The following NUMB variants were observed in gnomAD, a reference collection of about 807,000 sequenced individuals.
NUMB encodes the protein NUMB endocytic adaptor protein.
In NUMB, 29 loss-of-function variants were observed where a neutral mutation model predicts 59.7. The observed-to-expected ratio is 0.49, with a 90% CI of 0.36 to 0.66. The LOEUF (loss-of-function observed/expected upper bound fraction) is 0.66. Ranked by LOEUF, NUMB falls within the 30% of genes least tolerant of loss-of-function variation. NUMB has a pLI of 0.00. For synonymous variants in NUMB, 288 were observed against 288.2 expected (o/e 1.00, Z 0.01); for missense variants, 723 against 822.0 (o/e 0.88, Z 1.47).
intron 2 of NUMB, among the ~76,000 whole-genome samples, chr14:73,396,155 T>G (rs1409842919): frequency 2.6e-5 from 4 of 152,172 alleles, no homozygotes; most frequent in Non-Finnish European, 5.9e-5. Flanking sequence ...CGACCATAGC[T>G]CACTGTAACC....
At chr14:73,355,804 T>C in intron 3 of NUMB, 38 bp from the exon 4 acceptor site, 33 of 1,495,526 alleles carry the variant, frequency 2.2e-5, no homozygotes, top group Non-Finnish European at 2.8e-5. Context: ...AAAGAAATAT[T>C]ACCTTCTTAC....
At chr14:73,358,011 A>C (rs930166413) in intron 3 of NUMB, among the ~76,000 whole-genome samples, 1 of 151,832 alleles carries the variant, frequency 6.6e-6, no homozygotes, top group Non-Finnish European at 1.5e-5. Flanking sequence ...CAAGCCAGAC[A>C]CCTGAAAATC....
chr14:73,398,415 A>AGAGAGAGT (rs1438462148), intron 2 of NUMB, among the ~76,000 whole-genome samples: 31 of 118,878 alleles, frequency 2.6e-4, no homozygotes, highest in African/African-American at 8.0e-4. Flanking sequence ...AGAGAGAGAG[A>AGAGAGAGT]GTGTGTGTGT....
At chr14:73,438,806 C>T (rs1882814427) in intron 1 of NUMB, among the ~76,000 whole-genome samples, 1 of 151,758 alleles carries the variant, frequency 6.6e-6, no homozygotes, top group Admixed American at 6.6e-5. Context: ...GAATTAGGGG[C>T]CAACATCATA....
At chr14:73,344,227 C>T (rs1240678155) in intron 4 of NUMB, among the ~76,000 whole-genome samples, 1 of 152,020 alleles carries the variant, frequency 6.6e-6, no homozygotes, top group Non-Finnish European at 1.5e-5. Context: ...TATTCAGCTA[C>T]TTCTAATTTG....
rs1888111081 is a variant in NUMB, at chr14:73,275,776, T to TA, written c.*801dup. The TA allele has an allele frequency of 2.0e-5, 3 of 152,634 alleles. No homozygotes were observed. The highest frequency in any genetic ancestry group is 2.0e-4 in the Admixed American group (3 of 15,282). The allele number at this position is 152,634 out of a possible 1,614,324, so 9.5% of individuals were successfully genotyped here. A position where few individuals can be genotyped will look rare whatever the true frequency, so the allele number is the denominator to read the frequency against. Reference sequence around the variant, plus strand: ...ATGATTGTTGTTGCAATGTGCTACTTACAATGAATGACTGACAGAAAACAA... The same window carrying TA: ...ATGATTGTTGTTGCAATGTGCTACTTAACAATGAATGACTGACAGAAAACAA... On this transcript the variant is annotated 3_prime_UTR_variant, in exon 13 of 13. Transcript: ENST00000555238.
At chr14:73,392,786 C>A (rs1895915528) in intron 2 of NUMB, among the ~76,000 whole-genome samples, 1 of 151,924 alleles carries the variant, frequency 6.6e-6, no homozygotes, top group Non-Finnish European at 1.5e-5. Context: ...GAAAGAAAAC[C>A]AGATTTAGGA....
At chr14:73,326,813 A>G (rs1263095551) in intron 4 of NUMB, among the ~76,000 whole-genome samples, 1 of 152,168 alleles carries the variant, frequency 6.6e-6, no homozygotes, top group African/African-American at 2.4e-5. Context: ...GATGCTTTAT[A>G]TATTTTGTCT....
At chr14:73,405,657 G>C (rs539572085) in intron 2 of NUMB, among the ~76,000 whole-genome samples, 2 of 151,938 alleles carry the variant, frequency 1.3e-5, no homozygotes, top group Admixed American at 1.3e-4. Flanking sequence ...CCATGGTGGG[G>C]GCAGCAGCAA....
At chr14:73,424,768 T>C (rs1165699301) in intron 1 of NUMB, among the ~76,000 whole-genome samples, 1 of 152,146 alleles carries the variant, frequency 6.6e-6, no homozygotes, top group African/African-American at 2.4e-5. Context: ...AACACTCATC[T>C]CTCCACTAAT....
At chr14:73,312,990 CTTT>C (rs563622527) in intron 6 of NUMB, among the ~76,000 whole-genome samples, 3 of 141,950 alleles carry the variant, frequency 2.1e-5, no homozygotes, top group Non-Finnish European at 3.1e-5. Flanking sequence ...AGTGGTATGT[CTTT>C]TTTTTTTTTT....
At chr14:73,352,053 T>C (rs1893321386) in intron 4 of NUMB, among the ~76,000 whole-genome samples, 3 of 152,054 alleles carry the variant, frequency 2.0e-5, no homozygotes, top group African/African-American at 7.2e-5. Context: ...ATATGTACTC[T>C]ACCTTAATAA....
At chr14:73,414,485 C>T (rs1038691438) in intron 1 of NUMB, among the ~76,000 whole-genome samples, 8 of 152,154 alleles carry the variant, frequency 5.3e-5, no homozygotes, top group Non-Finnish European at 7.3e-5. Flanking sequence ...CCTCCGCTTC[C>T]TGGCTCAAGC....
intron 3 of NUMB, among the ~76,000 whole-genome samples, chr14:73,362,583 C>T (rs1164910382): frequency 6.6e-6 from 1 of 152,052 alleles, no homozygotes; most frequent in Non-Finnish European, 1.5e-5. Flanking sequence ...GCTAGGACTA[C>T]AGGTGCGCAC....
intron 4 of NUMB, among the ~76,000 whole-genome samples, chr14:73,338,486 C>A (rs1322822144): frequency 6.6e-6 from 1 of 152,212 alleles, no homozygotes; most frequent in Non-Finnish European, 1.5e-5. Flanking sequence ...CTTAAATTAT[C>A]TCTTTGTTAT....
chr14:73,334,981 C>T (rs1025649180), intron 4 of NUMB, among the ~76,000 whole-genome samples: 1 of 148,642 alleles, frequency 6.7e-6, no homozygotes, highest in African/African-American at 2.5e-5. Context: ...TTAGCATATA[C>T]TCCAAGTATT....
chr14:73,364,280 G>A (rs1420508324), intron 3 of NUMB, among the ~76,000 whole-genome samples: 1 of 152,008 alleles, frequency 6.6e-6, no homozygotes, highest in Non-Finnish European at 1.5e-5. Context: ...ACTTGAGGCG[G>A]ATAACCTGAG....
intron 1 of NUMB, among the ~76,000 whole-genome samples, chr14:73,448,547 T>A (rs7149990): frequency 0.8 from 122,056 of 152,098 alleles, 49,553 homozygotes; most frequent in African/African-American, 0.93. Context: ...CAAATCCTTA[T>A]CTAAGGAAGA....
chr14:73,295,433 T>C (rs1469774479), intron 7 of NUMB, among the ~76,000 whole-genome samples: 1 of 152,216 alleles, frequency 6.6e-6, no homozygotes, highest in African/African-American at 2.4e-5. Context: ...AACAATTAAA[T>C]ACATAGCTTT....
Sources: allele counts gnomAD v4.1 joint callset (sites outside exome capture counted in the v4.1 genomes callset), GRCh38; gene constraint gnomAD v4.1.1; transcripts MANE v1.5; gene names NCBI Gene and HGNC (gene_info 2026-07-23, HGNC 2026-07-21).